NALF1: variants seen among roughly 807,000 people sequenced by gnomAD.
NALF1 encodes the protein family with sequence similarity 155 member A.
Under a neutral mutation model 48.4 loss-of-function variants are expected in NALF1, and 3 were observed. That is an observed-to-expected ratio of 0.06 (90% CI 0.03 to 0.16). The LOEUF (loss-of-function observed/expected upper bound fraction) is 0.16. Ranked by LOEUF, NALF1 falls within the 10% of genes least tolerant of loss-of-function variation. The probability of loss-of-function intolerance (pLI) is 1.00; values close to 1 mark genes in which losing one functional copy is unlikely to be tolerated. For synonymous variants in NALF1, 262 were observed against 245.7 expected, an observed-to-expected ratio of 1.07 and a Z score of -0.62; for missense variants, 526 against 571.5, an observed-to-expected ratio of 0.92 and a Z score of 0.81.
At chr13:107,794,444 T>C (rs1265915776) in intron 1 of NALF1, among the ~76,000 whole-genome samples, 1 of 150,332 alleles carries the variant, frequency 6.7e-6, no homozygotes, top group Non-Finnish European at 1.5e-5. Context: ...ACAGGGTAAA[T>C]CTATTGTTCT....
chr13:107,765,320 C>G (rs1295121202), intron 1 of NALF1, among the ~76,000 whole-genome samples: 2 of 152,176 alleles, frequency 1.3e-5, no homozygotes, highest in Admixed American at 1.3e-4. Context: ...TCATCAGAAT[C>G]TGTTCTGAAT....
chr13:107,790,440 A>G (rs897088366), intron 1 of NALF1, among the ~76,000 whole-genome samples: 5 of 152,188 alleles, frequency 3.3e-5, no homozygotes, highest in African/African-American at 1.2e-4. Flanking sequence ...AATAAACTAT[A>G]CATTGTCTAA....
chr13:107,240,764 A>C (rs923885021), intron 1 of NALF1, among the ~76,000 whole-genome samples: 4 of 152,050 alleles, frequency 2.6e-5, no homozygotes, highest in Non-Finnish European at 5.9e-5. Context: ...TTAAGTGTTT[A>C]CATTATTATT....
chr13:107,395,662 A>G (rs1200129986), intron 1 of NALF1, among the ~76,000 whole-genome samples: 1 of 152,136 alleles, frequency 6.6e-6, no homozygotes, highest in Non-Finnish European at 1.5e-5. Context: ...TGACAGACTG[A>G]GTGACTTCAA....
rs1034658747 is a variant in NALF1, at chr13:107,866,337, C to T, written c.260G>A (p.Arg87Lys). 3 of 1,608,020 alleles carry T rather than the reference C, an allele frequency of 1.9e-6. No individual in the cohort carries two copies. The highest frequency in any genetic ancestry group is 2.2e-5 in the East Asian group (1 of 44,724). Residue 87 changes from arginine to lysine, a missense_variant, in exon 1 of 3, where the codon AGG becomes AAG. Transcript: ENST00000375915. The surrounding 1 kb of genome is among the most constrained non-coding windows in gnomAD (Gnocchi z 4.4). ...RQQQQQQQQQ[R>K]QRQQQQQQRR... ...CTGCTGCTGCTGCTGCTGCCGCTGCCTCTGCTGCTGCTGCTGCTGCTGCTG... is the reference window on the plus strand; with the variant it reads ...CTGCTGCTGCTGCTGCTGCCGCTGCTTCTGCTGCTGCTGCTGCTGCTGCTG...
intron 1 of NALF1, among the ~76,000 whole-genome samples, chr13:107,332,077 T>A (rs1882479217): frequency 1.3e-5 from 2 of 152,322 alleles, no homozygotes; most frequent in East Asian, 3.9e-4. Flanking sequence ...ATATGGACAT[T>A]AAGGTTTAGT....
At position 107,241,781 on chromosome 13, in the gene NALF1, G is replaced by C. The variant is rs150028924; in HGVS notation, c.916-31026C>G. Among the ~76,000 whole-genome samples, 363 of 152,290 alleles carry C rather than the reference G, an allele frequency of 2.4e-3. 2 individuals are homozygous for C. Among genetic ancestry groups the C allele is most frequent in the African/African-American group, 8.5e-3 (355 of 41,572 alleles). On this transcript the variant is annotated intron_variant, in intron 1 of 2. Coordinates refer to ENST00000375915, the MANE Select transcript of NALF1 (RefSeq NM_001080396.3). ...CTCGGTTCCTTTACCTGCAAAGTGG[G>C]AATGCCTGTGTCCCAGGCTTATTGA... is the stretch of plus-strand genomic sequence containing the variant.
intron 1 of NALF1, among the ~76,000 whole-genome samples, chr13:107,718,025 G>A (rs1420453957): frequency 1.3e-5 from 2 of 152,152 alleles, no homozygotes; most frequent in East Asian, 1.9e-4. Flanking sequence ...AACTGGCTTT[G>A]GCTTTTGGTT....
At chr13:107,833,737 A>T (rs1879808809) in intron 1 of NALF1, among the ~76,000 whole-genome samples, 1 of 152,158 alleles carries the variant, frequency 6.6e-6, no homozygotes, top group African/African-American at 2.4e-5. Context: ...CTTTCTGACC[A>T]CCTGTTACCT....
chr13:107,176,371 G>A (rs936590428), intron 2 of NALF1, among the ~76,000 whole-genome samples: 7 of 147,124 alleles, frequency 4.8e-5, no homozygotes, highest in African/African-American at 5.1e-5. Flanking sequence ...GGCTGGATGC[G>A]GTGGCTCATG....
intron 1 of NALF1, among the ~76,000 whole-genome samples, chr13:107,800,122 C>A (rs9520585): frequency 0.33 from 49,833 of 151,626 alleles, 9,080 homozygotes; most frequent in Non-Finnish European, 0.42. Flanking sequence ...GTTGGTGGGT[C>A]GAAATACAGA....
At chr13:107,509,716 T>A (rs16970384) in intron 1 of NALF1, among the ~76,000 whole-genome samples, 26,147 of 152,218 alleles carry the variant, frequency 0.17, 2,517 homozygotes, top group East Asian at 0.27. Flanking sequence ...GACTGCCTTA[T>A]AACTGTCAGA....
In NALF1 at chr13:107,309,161, C is replaced by T. The variant is rs554116291; in HGVS notation, c.916-98406G>A. ...TACTTATTTTTCTAACTGTTGAAAC[C>T]TTGTAGGCCCTCAAAAAATGTTGAT... is the stretch of plus-strand genomic sequence containing the variant. On this transcript the variant is annotated intron_variant, in intron 1 of 2. Transcript: ENST00000375915. 2.0e-5 allele frequency among the ~76,000 whole-genome samples: 3 copies of T among 152,264 alleles called. No individual in the cohort carries two copies. In the East Asian group the frequency reaches 5.8e-4, roughly 29 times the overall value.
chr13:107,339,083 G>C (rs1161815807), intron 1 of NALF1, among the ~76,000 whole-genome samples: 1 of 147,600 alleles, frequency 6.8e-6, no homozygotes, highest in African/African-American at 2.5e-5. Flanking sequence ...GCAGTGAGCA[G>C]AGATTGTGCC....
intron 1 of NALF1, among the ~76,000 whole-genome samples, chr13:107,228,820 C>T (rs772374104): frequency 1.7e-4 from 26 of 152,084 alleles, no homozygotes; most frequent in Non-Finnish European, 3.1e-4. Flanking sequence ...GGGATTTCAC[C>T]ATGTTGGCCA....
At chr13:107,398,635 A>G (rs183654802) in intron 1 of NALF1, among the ~76,000 whole-genome samples, 18 of 152,248 alleles carry the variant, frequency 1.2e-4, no homozygotes, top group Admixed American at 1.2e-3. Flanking sequence ...TACTGATAAT[A>G]AGCAAACTTG....
At chr13:107,772,434 G>GA (rs200893412) in intron 1 of NALF1, among the ~76,000 whole-genome samples, 71 of 151,242 alleles carry the variant, frequency 4.7e-4, no homozygotes, top group Admixed American at 1.9e-3. Flanking sequence ...TATTTAATGT[G>GA]AAAAAAACAA....
chr13:107,774,902 T>C (rs927105624), intron 1 of NALF1, among the ~76,000 whole-genome samples: 1 of 152,200 alleles, frequency 6.6e-6, no homozygotes, highest in Non-Finnish European at 1.5e-5. Context: ...CTCTATATTA[T>C]GCACATGTGT....
chr13:107,825,671 A>C (rs1027183577), intron 1 of NALF1, among the ~76,000 whole-genome samples: 1 of 152,248 alleles, frequency 6.6e-6, no homozygotes, highest in African/African-American at 2.4e-5. Context: ...AAAGTTCTTC[A>C]CCCATGAAAA....
Sources: allele counts gnomAD v4.1 joint callset (sites outside exome capture counted in the v4.1 genomes callset), GRCh38; gene constraint gnomAD v4.1.1; non-coding constraint Gnocchi (gnomAD v3.1); transcripts MANE v1.5; gene names NCBI Gene and HGNC (gene_info 2026-07-23, HGNC 2026-07-21).